The following ACTN2 variants were observed in gnomAD, a reference collection of about 807,000 sequenced individuals.
ACTN2 encodes alpha-actinin-2.
In ACTN2, 39 loss-of-function variants were observed where a neutral mutation model predicts 113.8. The ratio of observed to expected loss-of-function variants is 0.34; its 90% CI spans 0.27 to 0.45. The LOEUF (loss-of-function observed/expected upper bound fraction) is 0.45. Ranked by LOEUF, ACTN2 falls within the 20% of genes least tolerant of loss-of-function variation. The pLI, the probability that ACTN2 is intolerant of heterozygous loss-of-function variation, is 1.00. For missense variants in ACTN2, 992 were observed against 1,177.9 expected, an observed-to-expected ratio of 0.84 and a Z score of 2.31; for synonymous variants, 429 against 444.1, an observed-to-expected ratio of 0.97 and a Z score of 0.43.
intron 1 of ACTN2, among the ~76,000 whole-genome samples, chr1:236,703,447 T>A (rs998025202): frequency 6.6e-6 from 1 of 150,966 alleles, no homozygotes; most frequent in African/African-American, 2.4e-5. Flanking sequence ...TTTTTTTTTT[T>A]TTTTTTTTTT....
At chr1:236,713,495 G>T (rs1658112394) in intron 1 of ACTN2, among the ~76,000 whole-genome samples, 1 of 152,144 alleles carries the variant, frequency 6.6e-6, no homozygotes, top group Admixed American at 6.5e-5. Context: ...CCAAAGTGCT[G>T]GGATTACAGG....
intron 1 of ACTN2, among the ~76,000 whole-genome samples, chr1:236,712,687 C>T (rs1030877390): frequency 2.6e-4 from 39 of 152,038 alleles, no homozygotes; most frequent in African/African-American, 9.2e-4. Flanking sequence ...AAACAAAAAA[C>T]AGGTACTTTC....
At chr1:236,717,821 T>A in intron 1 of ACTN2, 37 bp from the exon 2 acceptor site, 1 of 1,430,752 alleles carries the variant, frequency 7.0e-7, no homozygotes, top group Non-Finnish European at 9.9e-7. Context: ...TGAAATCCGA[T>A]GGACCTGTGC....
chr1:236,717,643 A>G (rs1378593450), intron 1 of ACTN2, among the ~76,000 whole-genome samples: 2 of 152,218 alleles, frequency 1.3e-5, no homozygotes, highest in East Asian at 1.9e-4. Flanking sequence ...GGAATATCCA[A>G]TAAGAGAGTC....
intron 12 of ACTN2, among the ~76,000 whole-genome samples, chr1:236,745,306 T>G (rs369295003): frequency 1.3e-5 from 2 of 151,742 alleles, no homozygotes; most frequent in African/African-American, 4.8e-5. Context: ...TGGTGGCGGG[T>G]GCCTGTAGTC....
chr1:236,717,754 C>T, intron 1 of ACTN2, 104 bp from the exon 2 acceptor site: 1 of 800,222 alleles, frequency 1.2e-6, no homozygotes, highest in Non-Finnish European at 2.2e-6. Context: ...GCAGCCCCAG[C>T]CTTGTAGATT....
chr1:236,762,726 G>A lies in ACTN2; in HGVS notation c.*107G>A. 1.4e-6 allele frequency: 2 copies of A among 1,397,696 alleles called. No individual in the cohort carries two copies. Among genetic ancestry groups the A allele is most frequent in the African/African-American group, 1.5e-5 (1 of 68,862 alleles). 86.6% of individuals were successfully genotyped at this position (1,397,696 alleles called of 1,614,324 possible). ...GCTTTATTAAGTTGAGAGAGAGAGA[G>A]GGGAAAAAAAAAAGCCTTTCGTAGT... On this transcript the variant is annotated 3_prime_UTR_variant, in exon 21 of 21. Coordinates refer to ENST00000366578, the MANE Select transcript of ACTN2 (RefSeq NM_001103.4).
intron 1 of ACTN2, among the ~76,000 whole-genome samples, chr1:236,687,558 A>G (rs707220): frequency 0.16 from 24,499 of 152,260 alleles, 2,541 homozygotes; most frequent in African/African-American, 0.29. Flanking sequence ...GTTGGGTCAG[A>G]CATGACAACA....
chr1:236,696,293 C>T (rs993856419), intron 1 of ACTN2, among the ~76,000 whole-genome samples: 17 of 138,336 alleles, frequency 1.2e-4, no homozygotes, highest in South Asian at 9.4e-4. Context: ...ACTCCAGCTT[C>T]GGTGACAGAA....
intron 18 of ACTN2, among the ~76,000 whole-genome samples, chr1:236,758,995 G>A (rs1439672699): frequency 1.3e-5 from 2 of 152,184 alleles, no homozygotes; most frequent in Non-Finnish European, 2.9e-5. Flanking sequence ...ATTTGCAAAT[G>A]TCCATCAGTC....
chr1:236,737,069 G>C, intron 8 of ACTN2, 53 bp from the exon 9 acceptor site: 1 of 1,453,626 alleles, frequency 6.9e-7, no homozygotes, highest in Non-Finnish European at 9.6e-7. Context: ...TCCATGCTGT[G>C]TGTGCGCATT....
At chr1:236,723,228 G>A (rs1658452909) in intron 4 of ACTN2, among the ~76,000 whole-genome samples, 1 of 152,178 alleles carries the variant, frequency 6.6e-6, no homozygotes, top group African/African-American at 2.4e-5. Flanking sequence ...GGACTGCAAA[G>A]ACAGGCAGAA....
chr1:236,689,338 T>TACAC (rs1553295872), intron 1 of ACTN2, among the ~76,000 whole-genome samples: 415 of 41,136 alleles, frequency 0.01, 2 homozygotes, highest in African/African-American at 0.017. Flanking sequence ...TATATATATA[T>TACAC]ACACACACAT....
chr1:236,721,015 G>GGTTTTTTTTTC, intron 4 of ACTN2, among the ~76,000 whole-genome samples: 1 of 49,138 alleles, frequency 2.0e-5, no homozygotes, highest in Non-Finnish European at 3.4e-5. Flanking sequence ...TCTGGTTTTT[G>GGTTTTTTTTTC]TTTTTTGTTT....
chr1:236,735,443 A>G (rs113804890), intron 7 of ACTN2, among the ~76,000 whole-genome samples, 192 bp from the exon 8 acceptor site: 4 of 152,300 alleles, frequency 2.6e-5, no homozygotes, highest in African/African-American at 9.6e-5. Context: ...GGCTCAAACC[A>G]TCCTGTTCAC....
intron 1 of ACTN2, among the ~76,000 whole-genome samples, chr1:236,716,741 T>C (rs1418650575): frequency 6.6e-6 from 1 of 152,160 alleles, no homozygotes; most frequent in Non-Finnish European, 1.5e-5. Context: ...CGAGATAAAC[T>C]AGTTCTAGGT....
chr1:236,707,695 C>T (rs1389491721), intron 1 of ACTN2, among the ~76,000 whole-genome samples: 1 of 131,120 alleles, frequency 7.6e-6, no homozygotes, highest in African/African-American at 2.7e-5. Flanking sequence ...CTTTTCTTTT[C>T]TTTTCTTTTT....
At chr1:236,739,247 C>G (rs1658990649) in intron 9 of ACTN2, 55 bp from the exon 10 acceptor site, 1 of 1,535,696 alleles carries the variant, frequency 6.5e-7, no homozygotes, top group Non-Finnish European at 9.0e-7. Flanking sequence ...TTTTTTTTAA[C>G]TGGGGGAGGG....
At chr1:236,696,751 C>T (rs564607150) in intron 1 of ACTN2, among the ~76,000 whole-genome samples, 103 of 151,420 alleles carry the variant, frequency 6.8e-4, no homozygotes, top group African/African-American at 2.3e-3. Context: ...CTGCAACCTC[C>T]GCCTCCCGGG....
Sources: allele counts gnomAD v4.1 joint callset (sites outside exome capture counted in the v4.1 genomes callset), GRCh38; gene constraint gnomAD v4.1.1; transcripts MANE v1.5; gene names NCBI Gene and HGNC (gene_info 2026-07-23, HGNC 2026-07-21).